Variants in CTNNA3 observed in about 807,000 individuals in gnomAD.
CTNNA3 encodes the protein catenin alpha-3.
In CTNNA3, 76 loss-of-function variants were observed where a neutral mutation model predicts 95.7. The observed-to-expected ratio is 0.79, with a 90% CI of 0.66 to 0.96. The LOEUF is 0.96. CTNNA3 is among the 40% of genes least tolerant of loss of function. The pLI, the probability that CTNNA3 is intolerant of heterozygous loss-of-function variation, is 0.00. For synonymous variants in CTNNA3, 431 were observed against 374.4 expected (o/e 1.15, Z -1.74); for missense variants, 1,191 against 1,089.8 (o/e 1.09, Z -1.31).
chr10:66,174,597 A>G (rs948710287), intron 13 of CTNNA3, among the ~76,000 whole-genome samples: 3 of 151,952 alleles, frequency 2.0e-5, no homozygotes, highest in Non-Finnish European at 2.9e-5. Flanking sequence ...CTTTTTTTCA[A>G]CCAAACAGGG....
intron 7 of CTNNA3, among the ~76,000 whole-genome samples, chr10:66,991,435 A>G (rs1296128949): frequency 1.3e-5 from 2 of 152,212 alleles, no homozygotes; most frequent in Non-Finnish European, 2.9e-5. Flanking sequence ...AGGTAACACC[A>G]TCATGTTTTA....
intron 10 of CTNNA3, among the ~76,000 whole-genome samples, chr10:66,576,674 A>G (rs1208115098): frequency 6.6e-6 from 1 of 151,956 alleles, no homozygotes; most frequent in Non-Finnish European, 1.5e-5. Flanking sequence ...ATTCTTTTTT[A>G]TGGCTGTGCA....
chr10:66,433,334 T>C (rs897202852), intron 11 of CTNNA3, among the ~76,000 whole-genome samples: 2 of 152,162 alleles, frequency 1.3e-5, no homozygotes, highest in African/African-American at 4.8e-5. Flanking sequence ...TTTTAATGAT[T>C]GCCATTCTAA....
intron 3 of CTNNA3, among the ~76,000 whole-genome samples, chr10:67,587,849 T>G (rs1210516677): frequency 6.6e-6 from 1 of 152,184 alleles, no homozygotes; most frequent in Non-Finnish European, 1.5e-5. Flanking sequence ...AATTTGTAAA[T>G]TCAGTTACTT....
intron 11 of CTNNA3, among the ~76,000 whole-genome samples, chr10:66,442,954 A>C (rs1234832526): frequency 6.6e-6 from 1 of 152,136 alleles, no homozygotes; most frequent in Non-Finnish European, 1.5e-5. Flanking sequence ...GGTCACTCCC[A>C]CCCTAATACT....
chr10:67,477,692 C>T (rs1321035248), intron 5 of CTNNA3, among the ~76,000 whole-genome samples: 1 of 152,160 alleles, frequency 6.6e-6, no homozygotes, highest in Non-Finnish European at 1.5e-5. Context: ...AAAATATCCT[C>T]CCTGCAAGAA....
chr10:65,989,039 C>G (rs776535712), intron 15 of CTNNA3, among the ~76,000 whole-genome samples: 2 of 152,128 alleles, frequency 1.3e-5, no homozygotes, highest in Non-Finnish European at 2.9e-5. Flanking sequence ...TTCTCGGGTT[C>G]AAGCGATTCT....
At chr10:66,654,611 C>T (rs1254133324) in intron 9 of CTNNA3, among the ~76,000 whole-genome samples, 2 of 151,970 alleles carry the variant, frequency 1.3e-5, no homozygotes, top group African/African-American at 4.8e-5. Context: ...GGATATATGT[C>T]CAAATGGTAT....
chr10:66,292,740 A>G (rs1355929485), intron 12 of CTNNA3, among the ~76,000 whole-genome samples: 1 of 152,168 alleles, frequency 6.6e-6, no homozygotes, highest in African/African-American at 2.4e-5. Context: ...AACCTCTCAC[A>G]TATCATTTTA....
chr10:66,559,598 A>G (rs1180066577), intron 10 of CTNNA3, among the ~76,000 whole-genome samples: 2 of 151,968 alleles, frequency 1.3e-5, no homozygotes, highest in Admixed American at 1.3e-4. Flanking sequence ...TTTGGTGTAC[A>G]ACATTGAGTT....
At chr10:66,617,869 G>A (rs1844581719) in intron 10 of CTNNA3, among the ~76,000 whole-genome samples, 1 of 151,242 alleles carries the variant, frequency 6.6e-6, no homozygotes, top group African/African-American at 2.4e-5. Context: ...AAAGTCTCAG[G>A]ATATAAAACC....
intron 7 of CTNNA3, among the ~76,000 whole-genome samples, chr10:66,981,176 T>G (rs1048392682): frequency 6.6e-6 from 1 of 152,238 alleles, no homozygotes; most frequent in African/African-American, 2.4e-5. Flanking sequence ...AGTGCTGGGA[T>G]TACAGGCGTG....
chr10:66,900,752 T>A (rs1845707103), intron 7 of CTNNA3, among the ~76,000 whole-genome samples: 1 of 152,136 alleles, frequency 6.6e-6, no homozygotes, highest in Non-Finnish European at 1.5e-5. Context: ...AGTAGCCAAT[T>A]CGATCAAGTG....
At chr10:66,778,647 T>A (rs931742233) in intron 7 of CTNNA3, among the ~76,000 whole-genome samples, 1 of 151,774 alleles carries the variant, frequency 6.6e-6, no homozygotes, top group African/African-American at 2.4e-5. Flanking sequence ...ACATTCTTCA[T>A]CTGTAAACAA....
At chr10:66,167,839 G>A (rs1254894440) in intron 13 of CTNNA3, among the ~76,000 whole-genome samples, 2 of 152,122 alleles carry the variant, frequency 1.3e-5, no homozygotes, top group Non-Finnish European at 2.9e-5. Flanking sequence ...AGTTACTGAG[G>A]AGTCCCAAGG....
At chr10:67,581,835 G>C (rs887897989) in intron 3 of CTNNA3, among the ~76,000 whole-genome samples, 4 of 152,098 alleles carry the variant, frequency 2.6e-5, no homozygotes, top group African/African-American at 7.2e-5. Flanking sequence ...AGATTTTCTA[G>C]TTTTTTTGTG....
chr10:66,203,469 C>T (rs898640280), intron 13 of CTNNA3, among the ~76,000 whole-genome samples: 6 of 151,716 alleles, frequency 4.0e-5, no homozygotes, highest in Non-Finnish European at 8.8e-5. Context: ...ATGCAGGGAG[C>T]GTTCTCACTC....
At chr10:67,034,938 C>A (rs374864737) in intron 7 of CTNNA3, among the ~76,000 whole-genome samples, 1 of 152,184 alleles carries the variant, frequency 6.6e-6, no homozygotes, top group Non-Finnish European at 1.5e-5. Context: ...GGCCTTCTTA[C>A]TGCCTGAAAT....
At chr10:66,363,465 C>T (rs1348530148) in intron 12 of CTNNA3, among the ~76,000 whole-genome samples, 3 of 152,050 alleles carry the variant, frequency 2.0e-5, no homozygotes, top group African/African-American at 7.2e-5. Flanking sequence ...TGTTTGCAGG[C>T]CAGAAAGAGG....
Sources: allele counts gnomAD v4.1 joint callset (sites outside exome capture counted in the v4.1 genomes callset), GRCh38; gene constraint gnomAD v4.1.1; transcripts MANE v1.5; gene names NCBI Gene and HGNC (gene_info 2026-07-23, HGNC 2026-07-21).